SLC46A1: variants seen among roughly 807,000 people sequenced by gnomAD.
SLC46A1 encodes the protein proton-coupled folate transporter.
In SLC46A1, 17 loss-of-function variants were observed where a neutral mutation model predicts 32.1. The ratio of observed to expected loss-of-function variants is 0.53; its 90% CI spans 0.36 to 0.79. The LOEUF (loss-of-function observed/expected upper bound fraction) is 0.79, where lower values mean the gene tolerates loss of function less well. SLC46A1 is among the 30% of genes least tolerant of loss of function. The probability of loss-of-function intolerance (pLI) is 0.00; values close to 1 mark genes in which losing one functional copy is unlikely to be tolerated. For synonymous variants in SLC46A1, 240 were observed against 262.7 expected (o/e 0.91, Z 0.84); for missense variants, 517 against 588.2 (o/e 0.88, Z 1.25).
rs782337625 is a variant in SLC46A1, at chr17:28,399,635, C to T, written c.*21G>A. The T allele has an allele frequency of 1.2e-6, 2 of 1,613,906 alleles. No individual in the cohort carries two copies. The highest frequency in any genetic ancestry group is 1.7e-6 in the Non-Finnish European group (2 of 1,179,822). ...GTGTTCACTTTGCTCCTCTTGCCCT[C>T]TGTCTTCTGGTCCAGGCAGATCAGG... On this transcript the variant is annotated 3_prime_UTR_variant, in exon 5 of 5. Transcript: ENST00000612814.
At position 28,399,498 on chromosome 17, in the gene SLC46A1, G is replaced by A. The variant is rs1597829666; in HGVS notation, c.*158C>T. The A allele has an allele frequency of 1.6e-5, 11 of 686,578 alleles. No homozygotes were observed. The highest frequency in any genetic ancestry group is 7.6e-4 in the Middle Eastern group (2 of 2,616). The allele number at this position is 686,578 out of a possible 1,614,324, so 42.5% of individuals were successfully genotyped here. A position where few individuals can be genotyped will look rare whatever the true frequency, so the allele number is the denominator to read the frequency against. On this transcript the variant is annotated 3_prime_UTR_variant, in exon 5 of 5. Transcript: ENST00000612814. ...AGAGGCTGGGTCAGCTGTGGATGGG[G>A]TGGTGCCTTGGTCTCTCTTGACTAC... is the stretch of plus-strand genomic sequence containing the variant.
At chr17:28,406,361 A>C (rs2068262695), upstream of SLC46A1, 2 of 399,304 alleles carry the variant, frequency 5.0e-6, no homozygotes, top group Non-Finnish European at 8.7e-6. The surrounding 1 kb of genome is among the most constrained non-coding windows in gnomAD (Gnocchi z 4.5). Context: ...CTCACCTGTA[A>C]AGTGTGCGTA....
intron 2 of SLC46A1, 143 bp downstream of exon 2, chr17:28,404,473 G>T: frequency 9.4e-7 from 1 of 1,063,552 alleles, no homozygotes; most frequent in Non-Finnish European, 1.4e-6. Flanking sequence ...TTTCTTAGTT[G>T]TCTGTTCTCC....
In SLC46A1 at chr17:28,399,672, A is replaced by T; in HGVS notation, c.1364T>A (p.Phe455Tyr). Residue 455 changes from phenylalanine (F) to tyrosine (Y), a missense_variant, in exon 5 of 5, where the codon TTT becomes TAT. Phe to Tyr is a conservative substitution (Grantham distance 22, BLOSUM62 3). Coordinates refer to ENST00000612814, the MANE Select transcript of SLC46A1 (RefSeq NM_080669.6). ...KADPHLEFQQ[F>Y]PQSP is the part of the protein sequence containing the mutation. ...CCAGGCAGATCAGGGGCTCTGGGGA[A>T]ACTGCTGGAACTCGAGGTGAGGATC... 6.2e-7 allele frequency: 1 copy of T among 1,613,984 alleles called. No homozygotes were observed. The highest frequency in any genetic ancestry group is 1.1e-5 in the South Asian group (1 of 91,078).
In SLC46A1 at chr17:28,395,664, A is replaced by G; in HGVS notation, c.*3992T>C. On this transcript the variant is annotated 3_prime_UTR_variant, in exon 5 of 5. Coordinates refer to ENST00000612814, the MANE Select transcript of SLC46A1 (RefSeq NM_080669.6). ...GGAATCATCTCTTTAGCATACAAAG[A>G]CACTCATCACTCAAGAGATTCCAAG... 2.1e-6 allele frequency: 1 copy of G among 483,466 alleles called. No individual in the cohort carries two copies. Among genetic ancestry groups the G allele is most frequent in the Non-Finnish European group, 3.7e-6 (1 of 267,200 alleles). The allele number at this position is 483,466 out of a possible 1,614,324, so 29.9% of individuals were successfully genotyped here.
Position 28,406,179 on chromosome 17 carries a change from A to T in SLC46A1, c.-65T>A. ...GCGCGCGAGCGACTCGCTGCCTGGG[A>T]CCAGCGACGCGTGGCGTGGGGCTTG... is the stretch of plus-strand genomic sequence containing the variant. On this transcript the variant is annotated 5_prime_UTR_variant, in exon 1 of 5. Coordinates refer to ENST00000612814, the MANE Select transcript of SLC46A1 (RefSeq NM_080669.6). The surrounding 1 kb of genome is among the most constrained non-coding windows in gnomAD (Gnocchi z 4.5). 3 of 1,206,528 alleles carry T rather than the reference A, an allele frequency of 2.5e-6. No homozygotes were observed. The highest frequency in any genetic ancestry group is 3.2e-6 in the Non-Finnish European group (3 of 938,194). 74.7% of individuals were successfully genotyped at this position (1,206,528 alleles called of 1,614,324 possible).
chr17:28,398,374 C>G lies in SLC46A1; in HGVS notation c.*1282G>C, dbSNP rs2068156266. Reference sequence around the variant, plus strand: ...GTCCAGCATCCAGCCCCAGCTGGAACAGCTGAAGTCACAAGCCTCCTCTAA... The same window carrying G: ...GTCCAGCATCCAGCCCCAGCTGGAAGAGCTGAAGTCACAAGCCTCCTCTAA... On this transcript the variant is annotated 3_prime_UTR_variant, in exon 5 of 5. Coordinates refer to ENST00000612814, the MANE Select transcript of SLC46A1 (RefSeq NM_080669.6). 1 of 152,398 alleles carries G rather than the reference C, an allele frequency of 6.6e-6. No homozygotes were observed. The highest frequency in any genetic ancestry group is 2.4e-5 in the African/African-American group (1 of 41,462). The allele number at this position is 152,398 out of a possible 1,614,324, so 9.4% of individuals were successfully genotyped here. A position where few individuals can be genotyped will look rare whatever the true frequency, so the allele number is the denominator to read the frequency against.
rs782756958 is a variant in SLC46A1 at position 28,400,761 on chromosome 17, G to C, written c.1171C>G (p.Leu391Val). ...KLVRETEQGA[L>V]FSAVACVNSL... ...TTCACACAGGCCACAGCAGAAAAGA[G>C]AGCACCTGTGAAGAAATAAATACCA... The change falls in exon 4 of 5, where the codon CTC becomes GTC. Residue 391 changes from leucine to valine, a missense_variant. Coordinates refer to ENST00000612814, the MANE Select transcript of SLC46A1 (RefSeq NM_080669.6). The C allele has an allele frequency of 1.3e-6, 2 of 1,566,110 alleles. No individual in the cohort carries two copies. Among genetic ancestry groups the C allele is most frequent in the South Asian group, 2.3e-5 (2 of 85,558 alleles).
Position 28,405,903 on chromosome 17 carries a change from G to A in SLC46A1, c.212C>T (p.Ala71Val). The A allele has an allele frequency of 6.3e-7, 1 of 1,598,548 alleles. No homozygotes were observed. The highest frequency in any genetic ancestry group is 8.5e-7 in the Non-Finnish European group (1 of 1,173,760). The change falls in exon 1 of 5, where the codon GCG becomes GTG. Residue 71 changes from alanine (A) to valine (V), a missense_variant. Transcript: ENST00000612814. The stretch of plus-strand genomic sequence containing the variant: ...CCCCGCTACCTGCATGGTGGGGTCC[G>A]CGCTGCGGTTGCTGCAGCCCCCCCT... Reference protein sequence around the residue: ...RQRGGCSNRSADPTMQEVETL... With the variant: ...RQRGGCSNRSVDPTMQEVETL...
At position 28,396,695 on chromosome 17, in the gene SLC46A1, G is replaced by A. The variant is rs2068128477; in HGVS notation, c.*2961C>T. On this transcript the variant is annotated 3_prime_UTR_variant, in exon 5 of 5. Transcript: ENST00000612814. The stretch of plus-strand genomic sequence containing the variant: ...TTAAGGCAATGCCCAGGCGGGCCTG[G>A]GCACTGTATTCTGAGCAAGGGCCTG... 1 of 201,836 alleles carries A rather than the reference G, an allele frequency of 5.0e-6. No individual in the cohort carries two copies. The highest frequency in any genetic ancestry group is 1.0e-4 in the South Asian group (1 of 10,002). The allele number at this position is 201,836 out of a possible 1,614,324, so 12.5% of individuals were successfully genotyped here.
At chr17:28,404,310 G>A (rs1033638433) in intron 2 of SLC46A1, 14 of 416,646 alleles carry the variant, frequency 3.4e-5, no homozygotes, top group Admixed American at 1.2e-4. Context: ...TAGGCGGTGG[G>A]AGGCCAAGGG....
At chr17:28,400,810 T>C (rs1254286505) in intron 3 of SLC46A1, 44 bp from the exon 4 acceptor site, 2 of 1,532,068 alleles carry the variant, frequency 1.3e-6, no homozygotes, top group African/African-American at 1.4e-5. Flanking sequence ...GAAAGGGCCA[T>C]ATTCCAACTC....
At position 28,402,042 on chromosome 17, in the gene SLC46A1, C is replaced by A. The variant is rs1400972557; in HGVS notation, c.1165+196G>T. The stretch of plus-strand genomic sequence containing the variant: ...CTGCTGACTGCAAATCCCAACTCTG[C>A]GGTTTGAAAATCCAAGGTGGCATGA... On this transcript the variant is annotated intron_variant, in intron 3 of 4. Coordinates refer to ENST00000612814, the MANE Select transcript of SLC46A1 (RefSeq NM_080669.6). 3 of 524,136 alleles carry A rather than the reference C, an allele frequency of 5.7e-6. No individual in the cohort carries two copies. The South Asian group carries it at 8.3e-5, about 15-fold the overall frequency. 32.5% of individuals were successfully genotyped at this position (524,136 alleles called of 1,614,324 possible).
Position 28,400,630 on chromosome 17 carries a change from G to A in SLC46A1, c.1302C>T (p.Leu434=), listed in dbSNP as rs368561206. 5 of 1,613,658 alleles carry A rather than the reference G, an allele frequency of 3.1e-6. No homozygotes were observed. Among genetic ancestry groups the A allele is most frequent in the African/African-American group, 1.3e-5 (1 of 74,912 alleles). The change falls in exon 4 of 5, where the codon CTC becomes CTT. Residue 434 remains leucine, a synonymous_variant. Transcript: ENST00000612814. Reference sequence around the variant, plus strand: ...ATTACCCAATCAGAACAGCCGGGATGAGCAGGAGGCCAGCTCCCAGGAGGA... The same window carrying A: ...ATTACCCAATCAGAACAGCCGGGATAAGCAGGAGGCCAGCTCCCAGGAGGA... The part of the protein sequence containing the change: ...FPFLLGAGLL[L]IPAVLIGMLE...
Position 28,405,000 on chromosome 17 carries a change from T to C in SLC46A1, c.697A>G (p.Thr233Ala). 1 of 1,613,714 alleles carries C rather than the reference T, an allele frequency of 6.2e-7. No individual in the cohort carries two copies. Among genetic ancestry groups the C allele is most frequent in the Non-Finnish European group, 8.5e-7 (1 of 1,179,804 alleles). ...CGGGTGGACTTTGGCTCCTTTAAGG[T>C]CTCACCAAAGCAGAAAGCTGCATAG... is the stretch of plus-strand genomic sequence containing the variant. ...TLYAAFCFGE[T>A]LKEPKSTRLF... The change falls in exon 2 of 5, where the codon ACC becomes GCC. Residue 233 changes from threonine (T) to alanine (A), a missense_variant. Transcript: ENST00000612814.
Position 28,405,167 on chromosome 17 carries a change from C to T in SLC46A1, c.530G>A (p.Arg177His), listed in dbSNP as rs542701757. 8 of 1,609,660 alleles carry T rather than the reference C, an allele frequency of 5.0e-6. No homozygotes were observed. The African/African-American group carries it at 8.0e-5, about 16-fold the overall frequency. Residue 177 changes from arginine to histidine, a missense_variant, in exon 2 of 5, where the codon CGC (arginine) becomes CAC (histidine). Physicochemically the swap from Arg to His is conservative, Grantham distance 29 (BLOSUM62 0). Coordinates refer to ENST00000612814, the MANE Select transcript of SLC46A1 (RefSeq NM_080669.6). Reference protein sequence around the residue: ...SVADVSSSRSRTFRMALLEAS... With the variant: ...SVADVSSSRSHTFRMALLEAS... ...TTCCAGCAGGGCCATCCGGAAGGTG[C>T]GGCTGCGACTGGAGCTGACATCTGC...
intron 3 of SLC46A1, chr17:28,401,227 G>A (rs2068194035): frequency 5.2e-6 from 1 of 191,512 alleles, no homozygotes. Context: ...GCTAAATAAG[G>A]ATAATACCTA....
intron 1 of SLC46A1, 40 bp downstream of exon 1, chr17:28,405,847 C>G: frequency 1.3e-6 from 2 of 1,531,622 alleles, no homozygotes; most frequent in Non-Finnish European, 1.8e-6. Context: ...CGCTCCAGAC[C>G]AGGGCCCTCC....
At chr17:28,405,668 C>A (rs149202167) in intron 1 of SLC46A1, 200 bp from the exon 2 acceptor site, 20 of 974,514 alleles carry the variant, frequency 2.1e-5, no homozygotes, top group South Asian at 1.7e-4. Flanking sequence ...CCTTTCCCCC[C>A]CCTTTTGTTA....
Sources: gnomAD v4.1 joint callset for allele counts on GRCh38, gnomAD v4.1.1 for gene constraint, Gnocchi (gnomAD v3.1) non-coding constraint, MANE v1.5 for transcripts, NCBI Gene and HGNC (gene_info 2026-07-23, HGNC 2026-07-21) for gene names.